MTF1: variants seen among roughly 807,000 people sequenced by gnomAD.
MTF1 encodes metal regulatory transcription factor 1.
A neutral mutation model predicts 70.4 loss-of-function variants in MTF1; 22 were observed. The observed-to-expected ratio is 0.31, with a 90% CI of 0.22 to 0.45. The LOEUF (loss-of-function observed/expected upper bound fraction) is 0.45. MTF1 is among the 20% of genes least tolerant of loss of function. The pLI, the probability that MTF1 is intolerant of heterozygous loss-of-function variation, is 1.00. For missense variants in MTF1, 649 were observed against 922.0 expected, an observed-to-expected ratio of 0.70 and a Z score of 3.83; for synonymous variants, 333 against 352.8, an observed-to-expected ratio of 0.94 and a Z score of 0.63.
Position 37,817,539 on chromosome 1 carries a change from G to A in MTF1, c.1768-57C>T, listed in dbSNP as rs1281740390. On this transcript the variant is annotated intron_variant, in intron 9 of 10. Transcript: ENST00000373036. ...CCACTGTAATATGGCAGATCCCCAG[G>A]GACCTGAAGCCTCACCAACTGTAAT... 3 of 1,222,208 alleles carry A rather than the reference G, an allele frequency of 2.5e-6. No individual in the cohort carries two copies. In the African/African-American group the frequency reaches 4.5e-5, roughly 18 times the overall value. The allele number at this position is 1,222,208 out of a possible 1,614,324, so 75.7% of individuals were successfully genotyped here. A position where few individuals can be genotyped will look rare whatever the true frequency, so the allele number is the denominator to read the frequency against.
intron 7 of MTF1, among the ~76,000 whole-genome samples, chr1:37,824,111 TG>T (rs1286435227): frequency 6.6e-6 from 1 of 152,124 alleles, no homozygotes; most frequent in African/African-American, 2.4e-5. Context: ...CTCCTAAAAA[TG>T]TTAGGATTAC....
In MTF1 at chr1:37,840,350, A is replaced by G. The variant is rs774327086; in HGVS notation, c.409-192T>C. 1 of 609,118 alleles carries G rather than the reference A, an allele frequency of 1.6e-6. No homozygotes were observed. The highest frequency in any genetic ancestry group is 2.9e-6 in the Non-Finnish European group (1 of 341,076). The allele number at this position is 609,118 out of a possible 1,614,324, so 37.7% of individuals were successfully genotyped here. The stretch of plus-strand genomic sequence containing the variant: ...ATCAAATCATACCTGGACAACACAT[A>G]ATGATTTATGGGGAAGAAATAAGTC... On this transcript the variant is annotated intron_variant, in intron 2 of 10. Transcript: ENST00000373036. The surrounding 1 kb of genome is among the most constrained non-coding windows in gnomAD (Gnocchi z 4.5).
intron 9 of MTF1, among the ~76,000 whole-genome samples, chr1:37,821,060 G>A (rs1640901624): frequency 6.6e-6 from 1 of 152,046 alleles, no homozygotes; most frequent in Non-Finnish European, 1.5e-5. Context: ...GGTGCCTGTA[G>A]TCCCAGTTAG....
At chr1:37,825,177 C>T (rs543236206) in intron 7 of MTF1, among the ~76,000 whole-genome samples, 41 of 152,244 alleles carry the variant, frequency 2.7e-4, no homozygotes, top group African/African-American at 8.7e-4. Flanking sequence ...GGGCTTCAGC[C>T]GAATGCTGCC....
intron 7 of MTF1, chr1:37,826,645 T>G: frequency 2.3e-6 from 1 of 434,762 alleles, no homozygotes; most frequent in Non-Finnish European, 4.5e-6. Flanking sequence ...TTTCTTCATT[T>G]CAGTGATCCT....
chr1:37,843,252 C>T (rs1338006486), intron 2 of MTF1, among the ~76,000 whole-genome samples: 2 of 151,662 alleles, frequency 1.3e-5, no homozygotes, highest in East Asian at 1.9e-4. Flanking sequence ...CCTCCTGCCT[C>T]GGCATCCCAA....
At position 37,817,494 on chromosome 1, in the gene MTF1, A is replaced by G; in HGVS notation, c.1768-12T>C. The G allele has an allele frequency of 6.2e-7, 1 of 1,602,658 alleles. No homozygotes were observed. The highest frequency in any genetic ancestry group is 8.5e-7 in the Non-Finnish European group (1 of 1,169,658). Reference sequence around the variant, plus strand: ...TTAGATGCTTGCTGCTGAAAAAAGAAAAAGAAATCTCATTTATAGCCACTG... The same window carrying G: ...TTAGATGCTTGCTGCTGAAAAAAGAGAAAGAAATCTCATTTATAGCCACTG... On this transcript the variant is annotated splice_polypyrimidine_tract_variant and intron_variant, in intron 9 of 10. Transcript: ENST00000373036.
intron 2 of MTF1, among the ~76,000 whole-genome samples, chr1:37,843,770 A>T (rs1291941655): frequency 6.6e-6 from 1 of 152,228 alleles, no homozygotes; most frequent in East Asian, 1.9e-4. Context: ...AAGTAACTGG[A>T]TGGATTTGGC....
At chr1:37,820,507 A>G (rs1340754034) in intron 9 of MTF1, among the ~76,000 whole-genome samples, 1 of 152,128 alleles carries the variant, frequency 6.6e-6, no homozygotes, top group East Asian at 1.9e-4. Flanking sequence ...GGAAAATTAG[A>G]CCTACCTCCT....
rs1640727773 is a variant in MTF1, at chr1:37,811,194, C to CA, written c.*3941dup. On this transcript the variant is annotated 3_prime_UTR_variant, in exon 11 of 11. Transcript: ENST00000373036. ...ACCAAGAAGTGATGAAAAAGGGCCT[C>CA]AACAGTCAGCAGAAAACAGGACCCA... 6.6e-6 allele frequency: 1 copy of CA among 152,644 alleles called. No homozygotes were observed. Among genetic ancestry groups the CA allele is most frequent in the Non-Finnish European group, 1.5e-5 (1 of 68,050 alleles). The allele number at this position is 152,644 out of a possible 1,614,324, so 9.5% of individuals were successfully genotyped here. A position where few individuals can be genotyped will look rare whatever the true frequency, so the allele number is the denominator to read the frequency against.
At chr1:37,839,630 C>A (rs1407589901) in intron 3 of MTF1, among the ~76,000 whole-genome samples, 1 of 152,162 alleles carries the variant, frequency 6.6e-6, no homozygotes, top group East Asian at 1.9e-4. Context: ...CACTGAAATG[C>A]CCAGGCCAGA....
intron 2 of MTF1, among the ~76,000 whole-genome samples, chr1:37,851,817 T>C (rs890712697): frequency 6.6e-6 from 1 of 151,756 alleles, no homozygotes; most frequent in Non-Finnish European, 1.5e-5. Flanking sequence ...AGCTAGCTAC[T>C]ACTGCCTCAT....
At chr1:37,837,663 G>A (rs1465163886) in intron 4 of MTF1, among the ~76,000 whole-genome samples, 2 of 151,930 alleles carry the variant, frequency 1.3e-5, no homozygotes, top group African/African-American at 4.8e-5. Flanking sequence ...GTGACACCAC[G>A]CCTGGCTGAT....
At chr1:37,831,498 C>T (rs576078529) in intron 7 of MTF1, among the ~76,000 whole-genome samples, 7 of 152,252 alleles carry the variant, frequency 4.6e-5, no homozygotes, top group East Asian at 3.9e-4. Context: ...CCAGGAAAAA[C>T]GACAACAAAA....
intron 1 of MTF1, among the ~76,000 whole-genome samples, chr1:37,858,267 G>T (rs1243940284): frequency 1.3e-5 from 2 of 152,188 alleles, no homozygotes; most frequent in Non-Finnish European, 2.9e-5. Flanking sequence ...GTTTATGGTA[G>T]AAGGAGCAAG....
chr1:37,826,618 T>G (rs2148405221), intron 7 of MTF1: 1 of 433,232 alleles, frequency 2.3e-6, no homozygotes. Context: ...GGAAATTCAG[T>G]GATTCCTTTT....
chr1:37,849,479 C>T (rs1045867265), intron 2 of MTF1, among the ~76,000 whole-genome samples: 1 of 151,926 alleles, frequency 6.6e-6, no homozygotes, highest in Non-Finnish European at 1.5e-5. Context: ...GAAAATGATA[C>T]CTTTCCTAAT....
rs1433107000 is a variant in MTF1 at position 37,840,187 on chromosome 1, G to A, written c.409-29C>T. The stretch of plus-strand genomic sequence containing the variant: ...GCAGAGAAAAGATACCTCATCAACA[G>A]GACAAAAATGCTGCCCAGGGCTTAA... On this transcript the variant is annotated intron_variant, in intron 2 of 10. Coordinates refer to ENST00000373036, the MANE Select transcript of MTF1 (RefSeq NM_005955.3). This position sits in a 1 kb window ranked among gnomAD's most constrained non-coding sequence, Gnocchi z 4.5. 6.2e-7 allele frequency: 1 copy of A among 1,604,370 alleles called. No individual in the cohort carries two copies. Among genetic ancestry groups the A allele is most frequent in the African/African-American group, 1.3e-5 (1 of 74,730 alleles).
In MTF1 at chr1:37,813,986, TTG is replaced by T. The variant is rs1269916811; in HGVS notation, c.*1148_*1149del. On this transcript the variant is annotated 3_prime_UTR_variant, in exon 11 of 11. Coordinates refer to ENST00000373036, the MANE Select transcript of MTF1 (RefSeq NM_005955.3). ...ATACCCTGAGTAGAAGATCATCGTT[TTG>T]TGTTTCTTTTTTTTTTTTTTTTAAA... 6.6e-6 allele frequency: 1 copy of T among 151,556 alleles called. No individual in the cohort carries two copies. The highest frequency in any genetic ancestry group is 1.9e-4 in the East Asian group (1 of 5,172). The allele number at this position is 151,556 out of a possible 1,614,324, so 9.4% of individuals were successfully genotyped here.
Sources: gnomAD v4.1 joint callset for allele counts (sites outside exome capture counted in the v4.1 genomes callset) on GRCh38, gnomAD v4.1.1 for gene constraint, Gnocchi (gnomAD v3.1) non-coding constraint, MANE v1.5 for transcripts, NCBI Gene and HGNC (gene_info 2026-07-23, HGNC 2026-07-21) for gene names.